Variants in AFAP1L2 observed in about 807,000 individuals in gnomAD.
AFAP1L2 encodes actin filament-associated protein 1-like 2.
Under a neutral mutation model 99.3 loss-of-function variants are expected in AFAP1L2, and 46 were observed. The ratio of observed to expected loss-of-function variants is 0.46; its 90% confidence interval spans 0.37 to 0.59. AFAP1L2 has a LOEUF of 0.59. Ranked by LOEUF, AFAP1L2 falls within the 20% of genes least tolerant of loss-of-function variation. The pLI is 0.00. For missense variants in AFAP1L2, 959 were observed against 1,034.9 expected (o/e 0.93, Z 1.01); for synonymous variants, 397 against 419.1 (o/e 0.95, Z 0.64).
At chr10:114,323,808 A>G (rs1043285368) in intron 4 of AFAP1L2, among the ~76,000 whole-genome samples, 1 of 152,204 alleles carries the variant, frequency 6.6e-6, no homozygotes, top group African/African-American at 2.4e-5. Context: ...GTCCTAAGAA[A>G]AGCTTGAGTA....
rs567713745 is a variant in AFAP1L2, at chr10:114,372,633, T to A, written c.16+31807A>T. Among the ~76,000 whole-genome samples, 337 of 151,462 alleles carry A rather than the reference T, an allele frequency of 2.2e-3. 1 individual carries two copies. Among genetic ancestry groups the A allele is most frequent in the Non-Finnish European group, 3.8e-3 (257 of 67,866 alleles). ...TGATGAAAACATATTTATATATACA[T>A]ATATAATATATATACACATATATGT... On this transcript the variant is annotated intron_variant, in intron 1 of 18. Coordinates refer to ENST00000304129, the MANE Select transcript of AFAP1L2 (RefSeq NM_001001936.3).
chr10:114,289,073 A>G, the AFAP1L2 span: 4 of 1,614,072 alleles, frequency 2.5e-6, no homozygotes, highest in African/African-American at 5.3e-5. Flanking sequence ...GACGTGACAC[A>G]GGTCGGCCTG....
At chr10:114,359,598 A>G (rs1445180901) in intron 1 of AFAP1L2, among the ~76,000 whole-genome samples, 1 of 152,216 alleles carries the variant, frequency 6.6e-6, no homozygotes, top group East Asian at 1.9e-4. Flanking sequence ...AAAGGAAGGT[A>G]AAGGTTGGCT....
downstream of AFAP1L2, among the ~76,000 whole-genome samples, chr10:114,290,844 A>G (rs2039520820): frequency 2.0e-5 from 3 of 152,128 alleles, no homozygotes; most frequent in Non-Finnish European, 4.4e-5. Flanking sequence ...GAGGACGAGG[A>G]GGAGGTGCTA....
At chr10:114,346,723 C>G (rs1337361636) in intron 1 of AFAP1L2, among the ~76,000 whole-genome samples, 1 of 152,172 alleles carries the variant, frequency 6.6e-6, no homozygotes, top group East Asian at 1.9e-4. Flanking sequence ...AACTGTAGGC[C>G]CTTGTGCAGG....
the AFAP1L2 span, among the ~76,000 whole-genome samples, chr10:114,287,255 A>C: frequency 1.3e-5 from 2 of 152,136 alleles, no homozygotes; most frequent in Non-Finnish European, 2.9e-5. Flanking sequence ...ATCATAGCTC[A>C]CTGCAGCCTT....
chr10:114,294,221 A>G (rs2039863226), downstream of AFAP1L2, among the ~76,000 whole-genome samples: 1 of 152,206 alleles, frequency 6.6e-6, no homozygotes, highest in South Asian at 2.1e-4. Context: ...TCTGTGTCCA[A>G]CAATGAGATT....
chr10:114,388,515 A>G (rs995317575), intron 1 of AFAP1L2, among the ~76,000 whole-genome samples: 2 of 152,146 alleles, frequency 1.3e-5, no homozygotes, highest in African/African-American at 4.8e-5. Context: ...TACTCTCTGA[A>G]ATGAACCTGT....
At chr10:114,316,960 G>C (rs2134848934) in intron 5 of AFAP1L2, among the ~76,000 whole-genome samples, 1 of 152,324 alleles carries the variant, frequency 6.6e-6, no homozygotes, top group South Asian at 2.1e-4. Context: ...AATGGACTCA[G>C]CATCTATTTC....
Position 114,295,860 on chromosome 10 carries a change from A to T in AFAP1L2, c.*182T>A. 2 of 1,447,216 alleles carry T rather than the reference A, an allele frequency of 1.4e-6. No homozygotes were observed. The highest frequency in any genetic ancestry group is 2.8e-5 in the Admixed American group (1 of 36,102). The allele number at this position is 1,447,216 out of a possible 1,614,324, so 89.6% of individuals were successfully genotyped here. ...AAAGAAGCCTCCTTTTTGTTGTATT[A>T]TTTCCTTTGGCTCTGAAAAGGGACA... On this transcript the variant is annotated 3_prime_UTR_variant, in exon 19 of 19. Transcript: ENST00000304129.
intron 1 of AFAP1L2, among the ~76,000 whole-genome samples, chr10:114,386,670 A>G (rs1257031814): frequency 6.6e-6 from 1 of 152,176 alleles, no homozygotes; most frequent in East Asian, 1.9e-4. Context: ...AGCAGCTGCC[A>G]GGAGGCCCAG....
chr10:114,303,144 A>G (rs2041522713), intron 11 of AFAP1L2, among the ~76,000 whole-genome samples: 1 of 152,056 alleles, frequency 6.6e-6, no homozygotes, highest in Non-Finnish European at 1.5e-5. Flanking sequence ...TTACCTTTAT[A>G]ATGAGAAAAA....
chr10:114,288,790 G>C, the AFAP1L2 span: 3 of 756,726 alleles, frequency 4.0e-6, no homozygotes, highest in Non-Finnish European at 6.4e-6. Context: ...CTGTTCTGTG[G>C]CTAAAAGGAA....
At chr10:114,286,580 C>A in the AFAP1L2 span, 1 of 1,371,882 alleles carries the variant, frequency 7.3e-7, no homozygotes, top group African/African-American at 1.4e-5. Flanking sequence ...TGGCCACCAC[C>A]TAACCATCAT....
chr10:114,289,490 G>A, the AFAP1L2 span: 3 of 1,614,116 alleles, frequency 1.9e-6, 1 homozygote, highest in South Asian at 3.3e-5. Context: ...CTGTGTGGAG[G>A]TGAGTGGGGG....
chr10:114,337,114 A>G (rs2048096262), intron 2 of AFAP1L2, among the ~76,000 whole-genome samples: 1 of 152,186 alleles, frequency 6.6e-6, no homozygotes, highest in East Asian at 1.9e-4. Flanking sequence ...CAGGTGCGGT[A>G]TGTGTGTTTA....
intron 1 of AFAP1L2, among the ~76,000 whole-genome samples, chr10:114,399,438 G>C (rs944749744): frequency 6.6e-6 from 1 of 152,164 alleles, no homozygotes; most frequent in Non-Finnish European, 1.5e-5. Context: ...CACCGATAAG[G>C]AATGAATTTG....
At chr10:114,287,630 C>T in the AFAP1L2 span, among the ~76,000 whole-genome samples, 11 of 152,128 alleles carry the variant, frequency 7.2e-5, no homozygotes, top group Non-Finnish European at 1.3e-4. Flanking sequence ...TGCCCACTCC[C>T]ACCCTGCCCC....
rs374892593 is a variant in AFAP1L2, at chr10:114,384,334, G to A, written c.16+20106C>T. On this transcript the variant is annotated intron_variant, in intron 1 of 18. Transcript: ENST00000304129. ...GCATCTTGTCTGTCGTCCCCCCCCC[G>A]CTGCAAGTGATGAACCAACTTCACT... Among the ~76,000 whole-genome samples the A allele has an allele frequency of 7.6e-4, 108 of 142,644 alleles. 3 individuals are homozygous for A. In the East Asian group the frequency reaches 0.02, roughly 27 times the overall value. The allele number at this position is 142,644 out of a possible 152,430, so 93.6% of individuals were successfully genotyped here.
Sources: allele counts gnomAD v4.1 joint callset (sites outside exome capture counted in the v4.1 genomes callset), GRCh38; gene constraint gnomAD v4.1.1; transcripts MANE v1.5; gene names NCBI Gene and HGNC (gene_info 2026-07-23, HGNC 2026-07-21).